Variants in DYNC1I1 observed in about 807,000 individuals in gnomAD.
DYNC1I1 encodes dynein cytoplasmic 1 intermediate chain 1.
Under a neutral mutation model 86.6 loss-of-function variants are expected in DYNC1I1, and 43 were observed. That is an observed-to-expected ratio of 0.50 (90% CI 0.39 to 0.64). DYNC1I1 has a LOEUF of 0.64. Among genes scored for constraint, DYNC1I1 ranks in the 30% least tolerant of loss-of-function variants. The probability of loss-of-function intolerance (pLI) is 0.00; values close to 1 mark genes in which losing one functional copy is unlikely to be tolerated. For missense variants in DYNC1I1, 604 were observed against 788.8 expected, an observed-to-expected ratio of 0.77 and a Z score of 2.81; for synonymous variants, 262 against 283.7, an observed-to-expected ratio of 0.92 and a Z score of 0.77.
chr7:95,954,777 G>A (rs551290458), intron 6 of DYNC1I1, among the ~76,000 whole-genome samples: 8 of 151,900 alleles, frequency 5.3e-5, no homozygotes, highest in African/African-American at 1.4e-4. Context: ...TTAGCCAGGC[G>A]TGGTGGCGGG....
intron 1 of DYNC1I1, among the ~76,000 whole-genome samples, chr7:95,786,524 C>T (rs1183780193): frequency 6.6e-6 from 1 of 152,168 alleles, no homozygotes; most frequent in African/African-American, 2.4e-5. Context: ...GTGTAAGTCC[C>T]ACAGTACCCA....
intron 6 of DYNC1I1, among the ~76,000 whole-genome samples, chr7:95,970,375 G>C (rs1409148607): frequency 6.6e-6 from 1 of 152,082 alleles, no homozygotes; most frequent in Admixed American, 6.6e-5. Flanking sequence ...TTTGACTCTT[G>C]TGTTTTTTAA....
intron 16 of DYNC1I1, among the ~76,000 whole-genome samples, chr7:96,081,709 G>A (rs761018702): frequency 2.0e-5 from 3 of 152,110 alleles, no homozygotes; most frequent in Non-Finnish European, 2.9e-5. Context: ...GTTCTTTATG[G>A]TTTCATCAAT....
chr7:95,990,225 C>T (rs1297582748), intron 9 of DYNC1I1, among the ~76,000 whole-genome samples: 2 of 147,702 alleles, frequency 1.4e-5, no homozygotes, highest in African/African-American at 5.3e-5. Flanking sequence ...TTAACACAGT[C>T]AGTCAATAAT....
chr7:96,007,690 C>T (rs774388236), intron 10 of DYNC1I1, among the ~76,000 whole-genome samples: 8 of 151,918 alleles, frequency 5.3e-5, no homozygotes, highest in South Asian at 2.1e-4. Context: ...ATCAACCCAG[C>T]GAAAAAACAC....
chr7:95,934,875 A>G (rs555211192), intron 6 of DYNC1I1, among the ~76,000 whole-genome samples: 1 of 152,114 alleles, frequency 6.6e-6, no homozygotes, highest in South Asian at 2.1e-4. Flanking sequence ...AATGACTTGT[A>G]GCATCTCAAA....
rs117940047 is a variant in DYNC1I1, at chr7:96,015,446, G to A, written c.970-12729G>A. Among the ~76,000 whole-genome samples, 1,094 of 152,066 alleles carry A rather than the reference G, an allele frequency of 7.2e-3. 8 individuals are homozygous for A. The highest frequency in any genetic ancestry group is 0.01 in the Non-Finnish European group (713 of 67,988). ...ATGCCCCTTAATGTGTACATCCTACGTCTTATGATTGAAAATAGTATTTCC... is the reference window on the plus strand; with the variant it reads ...ATGCCCCTTAATGTGTACATCCTACATCTTATGATTGAAAATAGTATTTCC... On this transcript the variant is annotated intron_variant, in intron 10 of 16. Coordinates refer to ENST00000447467, the MANE Select transcript of DYNC1I1 (RefSeq NM_001135556.2).
intron 1 of DYNC1I1, among the ~76,000 whole-genome samples, chr7:95,793,605 A>C (rs557135533): frequency 1.3e-5 from 2 of 152,196 alleles, no homozygotes; most frequent in African/African-American, 4.8e-5. Flanking sequence ...TGTATTATCT[A>C]TGGCTAGCAG....
At chr7:95,913,488 A>T (rs1360771318) in intron 6 of DYNC1I1, among the ~76,000 whole-genome samples, 1 of 152,076 alleles carries the variant, frequency 6.6e-6, no homozygotes, top group Non-Finnish European at 1.5e-5. Context: ...TGTTCTCGTG[A>T]TAGTGAATAA....
rs1218356471 is a variant in DYNC1I1, at chr7:95,866,221, G to A, written c.375-3662G>A. On this transcript the variant is annotated intron_variant, in intron 5 of 16. Transcript: ENST00000447467. ...GGACTGGCTAGGGCTGGGAGTGATT[G>A]TATGGTACTTAACTCAGAAACATAA... Among the ~76,000 whole-genome samples the A allele has an allele frequency of 3.3e-5, 5 of 152,310 alleles. No individual in the cohort carries two copies. In the South Asian group the frequency reaches 8.3e-4, roughly 25 times the overall value.
intron 6 of DYNC1I1, among the ~76,000 whole-genome samples, chr7:95,879,593 A>T (rs1790399325): frequency 6.6e-6 from 1 of 152,210 alleles, no homozygotes; most frequent in Non-Finnish European, 1.5e-5. Context: ...GTCATAACAA[A>T]TAACTAGTCA....
intron 14 of DYNC1I1, among the ~76,000 whole-genome samples, chr7:96,043,382 A>T (rs1483130547): frequency 6.6e-6 from 1 of 152,114 alleles, no homozygotes; most frequent in East Asian, 1.9e-4. Context: ...AGATCTCTGA[A>T]TTTAGAAGAT....
intron 3 of DYNC1I1, among the ~76,000 whole-genome samples, chr7:95,812,408 T>C (rs1794850476): frequency 6.6e-6 from 1 of 152,150 alleles, no homozygotes; most frequent in African/African-American, 2.4e-5. Flanking sequence ...GGGAAAAAAT[T>C]GCATTGGCTT....
At chr7:96,063,332 C>T (rs541852398) in intron 14 of DYNC1I1, among the ~76,000 whole-genome samples, 24 of 151,944 alleles carry the variant, frequency 1.6e-4, no homozygotes, top group Non-Finnish European at 2.8e-4. Context: ...GGGAACTGTG[C>T]GCATGTGTCT....
At chr7:95,926,957 T>C (rs1791762075) in intron 6 of DYNC1I1, among the ~76,000 whole-genome samples, 1 of 152,180 alleles carries the variant, frequency 6.6e-6, no homozygotes, top group Non-Finnish European at 1.5e-5. Flanking sequence ...TTTGTTAAGG[T>C]GCTTTGGAAT....
In DYNC1I1 at chr7:96,108,797, G is replaced by T. The variant is rs541147539; in HGVS notation, c.1543-1182G>T. Among the ~76,000 whole-genome samples the T allele has an allele frequency of 9.4e-4, 141 of 149,830 alleles. 1 individual carries two copies. Among genetic ancestry groups the T allele is most frequent in the African/African-American group, 3.4e-3 (137 of 40,698 alleles). On this transcript the variant is annotated intron_variant, in intron 16 of 16. Coordinates refer to the DYNC1I1 transcript ENST00000537881. The stretch of plus-strand genomic sequence containing the variant: ...AATTGCTTGAACCCAAGAAGCAGAG[G>T]TTGCAGTGAGCCAAGATCGCACCAC...
intron 5 of DYNC1I1, among the ~76,000 whole-genome samples, chr7:95,831,975 T>TA (rs1473814056): frequency 3.3e-5 from 5 of 152,134 alleles, no homozygotes; most frequent in Admixed American, 2.6e-4. Flanking sequence ...TTTCTTTTTT[T>TA]TTATTATTAT....
At chr7:95,872,057 C>T (rs552196550) in intron 6 of DYNC1I1, among the ~76,000 whole-genome samples, 59 of 152,356 alleles carry the variant, frequency 3.9e-4, no homozygotes, top group African/African-American at 9.6e-5. Context: ...GGCAGTCACC[C>T]GGCTGCCCGG....
At chr7:95,960,345 G>A (rs574842469) in intron 6 of DYNC1I1, among the ~76,000 whole-genome samples, 1 of 152,034 alleles carries the variant, frequency 6.6e-6, no homozygotes, top group East Asian at 1.9e-4. Context: ...AATCTTAAAT[G>A]ATCCACCTGC....
Sources: allele counts gnomAD v4.1 joint callset (sites outside exome capture counted in the v4.1 genomes callset), GRCh38; gene constraint gnomAD v4.1.1; transcripts MANE v1.5; gene names NCBI Gene and HGNC (gene_info 2026-07-23, HGNC 2026-07-21).